PISD: variants seen among roughly 807,000 people sequenced by gnomAD.
The protein encoded by PISD is phosphatidylserine decarboxylase, also known as phosphatidylserine decarboxylase proenzyme, mitochondrial.
A neutral mutation model predicts 43.5 loss-of-function variants in PISD; 31 were observed. The ratio of observed to expected loss-of-function variants is 0.71; its 90% CI spans 0.54 to 0.96. The LOEUF (loss-of-function observed/expected upper bound fraction) is 0.96. PISD is among the 40% of genes least tolerant of loss of function. The probability of loss-of-function intolerance (pLI) is 0.00; values close to 1 mark genes in which losing one functional copy is unlikely to be tolerated. For synonymous variants in PISD, 259 were observed against 228.7 expected (o/e 1.13, Z -1.20); for missense variants, 523 against 548.4 (o/e 0.95, Z 0.46).
intron 2 of PISD, among the ~76,000 whole-genome samples, 169 bp downstream of exon 2, chr22:31,650,526 CAAAA>C (rs200466585): frequency 9.3e-6 from 1 of 107,554 alleles, no homozygotes; most frequent in Non-Finnish European, 2.0e-5. Flanking sequence ...AAGACTGTCT[CAAAA>C]AAAAAAAAAA....
intron 3 of PISD, chr22:31,623,624 C>A: frequency 6.6e-7 from 1 of 1,516,380 alleles, no homozygotes; most frequent in Non-Finnish European, 8.9e-7. Flanking sequence ...CTCTCCTGCA[C>A]CCCAACCTCA....
intron 2 of PISD, 60 bp downstream of exon 2, chr22:31,650,639 T>C: frequency 2.0e-6 from 2 of 984,542 alleles, no homozygotes; most frequent in South Asian, 1.4e-5. Context: ...TTTATCCCAA[T>C]TTACAGATGA....
chr22:31,629,055 TG>T, intron 3 of PISD: 1 of 985,490 alleles, frequency 1.0e-6, no homozygotes, highest in African/African-American at 1.7e-5. Flanking sequence ...CATGCTGTTT[TG>T]GGGATCCATA....
chr22:31,655,375 G>A (rs944459759), intron 1 of PISD, among the ~76,000 whole-genome samples: 1 of 151,620 alleles, frequency 6.6e-6, no homozygotes, highest in African/African-American at 2.4e-5. Context: ...AAGTGCAGTG[G>A]CATGATCATA....
intron 2 of PISD, among the ~76,000 whole-genome samples, chr22:31,649,797 A>G (rs771517344): frequency 3.3e-5 from 5 of 152,222 alleles, no homozygotes; most frequent in African/African-American, 1.2e-4. Flanking sequence ...TCCAAATCCA[A>G]TATGATGGGT....
At chr22:31,646,893 G>A (rs987811257) in intron 3 of PISD, among the ~76,000 whole-genome samples, 7 of 151,942 alleles carry the variant, frequency 4.6e-5, no homozygotes, top group African/African-American at 1.7e-4. Flanking sequence ...GTTTAAGGTA[G>A]GTTATTACAA....
chr22:31,650,443 T>A (rs1211317809), intron 2 of PISD, among the ~76,000 whole-genome samples: 1 of 151,730 alleles, frequency 6.6e-6, no homozygotes, highest in Non-Finnish European at 1.5e-5. Flanking sequence ...AGAATGAGAA[T>A]TGCTTAAACC....
chr22:31,637,151 AAAAAAAAAAAAAAATATATATATAT>A lies in PISD; in HGVS notation c.321+10925_321+10949del, dbSNP rs1372345456. 2.2e-3 allele frequency among the ~76,000 whole-genome samples: 48 copies of A among 21,444 alleles called. 3 individuals are homozygous for A. Among genetic ancestry groups the A allele is most frequent in the African/African-American group, 5.6e-3 (33 of 5,924 alleles). The allele number at this position is 21,444 out of a possible 152,430, so 14.1% of individuals were successfully genotyped here. A position where few individuals can be genotyped will look rare whatever the true frequency, so the allele number is the denominator to read the frequency against. Reference sequence around the variant, plus strand: ...AATAATAATAAATAAATTAAAAAAAAAAAAAAAAAAAAAATATATATATATATATATATATATATATATATATATA... The same window carrying A: ...AATAATAATAAATAAATTAAAAAAAAATATATATATATATATATATATATA... On this transcript the variant is annotated intron_variant, in intron 3 of 7. Transcript: ENST00000439502.
chr22:31,648,258 G>C lies in PISD; in HGVS notation c.164C>G (p.Thr55Ser), dbSNP rs1353254950. Reference sequence around the variant, plus strand: ...CAGGAACATGGTTCGGGCAGGGGCAGTGTGGATTTTTCTGGCATCTGTAAT... The same window carrying C: ...CAGGAACATGGTTCGGGCAGGGGCACTGTGGATTTTTCTGGCATCTGTAAT... Reference protein sequence around the residue: ...AFRTDARKIHTAPARTMFLLR... With the variant: ...AFRTDARKIHSAPARTMFLLR... The change falls in exon 3 of 8, where the codon ACT (threonine) becomes AGT (serine). Residue 55 changes from threonine to serine, a missense_variant. Transcript: ENST00000439502. The C allele has an allele frequency of 1.2e-6, 2 of 1,609,072 alleles. No homozygotes were observed. Among genetic ancestry groups the C allele is most frequent in the East Asian group, 2.2e-5 (1 of 44,822 alleles).
At chr22:31,620,430 G>A in intron 7 of PISD, 123 bp downstream of exon 7, 2 of 954,210 alleles carry the variant, frequency 2.1e-6, no homozygotes, top group Non-Finnish European at 3.1e-6. Context: ...AGCAGAGCCA[G>A]GCCTGACCAG....
At chr22:31,660,136 C>T (rs2074278633) in intron 1 of PISD, among the ~76,000 whole-genome samples, 1 of 152,104 alleles carries the variant, frequency 6.6e-6, no homozygotes, top group African/African-American at 2.4e-5. Flanking sequence ...TTACTAAAAA[C>T]CCACAGAAAT....
intron 3 of PISD, among the ~76,000 whole-genome samples, chr22:31,647,368 T>C (rs1346543281): frequency 6.6e-6 from 1 of 152,202 alleles, no homozygotes; most frequent in Non-Finnish European, 1.5e-5. Context: ...CTGATCTGGA[T>C]TAGCAAAATG....
At chr22:31,625,770 C>CCGCG (rs898035133) in intron 3 of PISD, 8 of 1,590,766 alleles carry the variant, frequency 5.0e-6, no homozygotes, top group African/African-American at 1.3e-5. Flanking sequence ...CACCATTTCG[C>CCGCG]CGCGCGGAGC....
intron 1 of PISD, among the ~76,000 whole-genome samples, chr22:31,657,684 G>A (rs1053778907): frequency 6.6e-6 from 1 of 151,748 alleles, no homozygotes; most frequent in Admixed American, 6.6e-5. Context: ...CACCACACCC[G>A]GCTAATTTTT....
At chr22:31,623,838 G>C (rs200778150) in intron 3 of PISD, 1 of 1,613,506 alleles carries the variant, frequency 6.2e-7, no homozygotes, top group African/African-American at 1.3e-5. Context: ...GGCCAGCTGG[G>C]GGAAGTGCAA....
At chr22:31,629,306 G>A (rs546023418) in intron 3 of PISD, 1 of 773,102 alleles carries the variant, frequency 1.3e-6, no homozygotes, top group East Asian at 1.3e-4. Flanking sequence ...GTATGTGCAT[G>A]GAGGGGTGCG....
intron 2 of PISD, 72 bp downstream of exon 2, chr22:31,650,627 T>C (rs1601437780): frequency 1.2e-6 from 1 of 846,630 alleles, no homozygotes; most frequent in Non-Finnish European, 1.9e-6. Context: ...AACAACCCTA[T>C]GTTTATCCCA....
In PISD at chr22:31,625,588, G is replaced by C; in HGVS notation, c.322-3703C>G. On this transcript the variant is annotated intron_variant, in intron 3 of 7. Transcript: ENST00000439502. The stretch of plus-strand genomic sequence containing the variant: ...GGTTGGAACCAAAGATACCTGAAGC[G>C]GGCTCTCCGACTCAGGGTGCTCAGG... 4.2e-6 allele frequency: 3 copies of C among 708,976 alleles called. No individual in the cohort carries two copies. The South Asian group carries it at 5.5e-5, about 13-fold the overall frequency. The allele number at this position is 708,976 out of a possible 1,614,324, so 43.9% of individuals were successfully genotyped here.
At chr22:31,643,274 A>G (rs1267473611) in intron 3 of PISD, among the ~76,000 whole-genome samples, 2 of 152,182 alleles carry the variant, frequency 1.3e-5, no homozygotes, top group Non-Finnish European at 2.9e-5. Context: ...GTCATTTAAC[A>G]GGGAGTAAGA....
Sources: gnomAD v4.1 joint callset for allele counts (sites outside exome capture counted in the v4.1 genomes callset) on GRCh38, gnomAD v4.1.1 for gene constraint, MANE v1.5 for transcripts, NCBI Gene and HGNC (gene_info 2026-07-23, HGNC 2026-07-21) for gene names.